Variants in PRKCB observed in about 807,000 individuals in gnomAD.
PRKCB encodes the protein protein kinase C beta, also known as protein kinase C beta type.
In PRKCB, 13 loss-of-function variants were observed where a neutral mutation model predicts 81.5. The observed-to-expected ratio is 0.16, with a 90% CI of 0.10 to 0.25. The LOEUF (loss-of-function observed/expected upper bound fraction) is 0.25, where lower values mean the gene tolerates loss of function less well. Ranked by LOEUF, PRKCB falls within the 10% of genes least tolerant of loss-of-function variation. The probability of loss-of-function intolerance (pLI) is 1.00; values close to 1 mark genes in which losing one functional copy is unlikely to be tolerated. For missense variants in PRKCB, 509 were observed against 875.7 expected, an observed-to-expected ratio of 0.58 and a Z score of 5.29; for synonymous variants, 335 against 321.4, an observed-to-expected ratio of 1.04 and a Z score of -0.45.
chr16:23,975,424 T>C (rs1337477268), intron 2 of PRKCB, among the ~76,000 whole-genome samples: 3 of 152,056 alleles, frequency 2.0e-5, no homozygotes, highest in Non-Finnish European at 4.4e-5. Flanking sequence ...ATGCTGGTAG[T>C]AGCAAAGGGT....
chr16:24,219,908 T>A lies in PRKCB; in HGVS notation c.*5092T>A. On this transcript the variant is annotated 3_prime_UTR_variant, in exon 17 of 17. Transcript: ENST00000643927. ...CCACCCAATGACTGGCGTATCTTGG[T>A]CCTGTGTCTTTCTTCTTACGCTGTG... The A allele has an allele frequency of 6.3e-7, 1 of 1,594,820 alleles. No individual in the cohort carries two copies. Among genetic ancestry groups the A allele is most frequent in the Non-Finnish European group, 8.6e-7 (1 of 1,168,968 alleles).
At chr16:23,979,229 A>G (rs888616224) in intron 2 of PRKCB, among the ~76,000 whole-genome samples, 1 of 152,244 alleles carries the variant, frequency 6.6e-6, no homozygotes, top group Non-Finnish European at 1.5e-5. Context: ...TCAAGGTCAC[A>G]CAGCTAATCA....
intron 2 of PRKCB, among the ~76,000 whole-genome samples, chr16:23,957,062 C>A (rs901869027): frequency 6.8e-6 from 1 of 147,596 alleles, no homozygotes; most frequent in Non-Finnish European, 1.5e-5. Flanking sequence ...GAGGGAAATC[C>A]AGAAGCCATA....
rs539294199 is a variant in PRKCB at position 23,990,248 on chromosome 16, G to A, written c.288+1658G>A. On this transcript the variant is annotated intron_variant, in intron 3 of 16. Transcript: ENST00000643927. ...CTGAGGCGGGCAGATCACAAGGTCAGGAGATCGAAACCATCCTGGCTAACA... is the reference window on the plus strand; with the variant it reads ...CTGAGGCGGGCAGATCACAAGGTCAAGAGATCGAAACCATCCTGGCTAACA... Among the ~76,000 whole-genome samples, 516 of 152,042 alleles carry A rather than the reference G, an allele frequency of 3.4e-3. 1 individual carries two copies. Among genetic ancestry groups the A allele is most frequent in the Non-Finnish European group, 5.5e-3 (375 of 67,974 alleles).
intron 2 of PRKCB, among the ~76,000 whole-genome samples, chr16:23,915,702 A>G: frequency 6.6e-6 from 1 of 150,730 alleles, no homozygotes; most frequent in Admixed American, 6.6e-5. Context: ...AAAAAAAAAA[A>G]AAAAAAAAAA....
chr16:24,153,941 C>T (rs1967114835), intron 9 of PRKCB, among the ~76,000 whole-genome samples: 1 of 152,168 alleles, frequency 6.6e-6, no homozygotes, highest in Admixed American at 6.5e-5. Flanking sequence ...GGAACAAGTG[C>T]CCTAATTTTA....
chr16:23,967,790 C>G (rs1004035731), intron 2 of PRKCB, among the ~76,000 whole-genome samples: 2 of 152,120 alleles, frequency 1.3e-5, no homozygotes, highest in Non-Finnish European at 2.9e-5. Context: ...GTAGCTGGGA[C>G]TACAGGCACC....
Position 24,218,837 on chromosome 16 carries a change from T to C in PRKCB, c.*4021T>C. 1 of 985,426 alleles carries C rather than the reference T, an allele frequency of 1.0e-6. No individual in the cohort carries two copies. The highest frequency in any genetic ancestry group is 1.2e-6 in the Non-Finnish European group (1 of 829,938). 61.0% of individuals were successfully genotyped at this position (985,426 alleles called of 1,614,324 possible). ...ACAAGGCCTTCTTCCCTGGTTGTCT[T>C]GTAATAAAACAGCCATGGGGTTGTC... On this transcript the variant is annotated 3_prime_UTR_variant, in exon 17 of 17. Transcript: ENST00000643927.
Position 24,216,293 on chromosome 16 carries a change from A to G in PRKCB, c.*1477A>G. On this transcript the variant is annotated 3_prime_UTR_variant, in exon 17 of 17. Transcript: ENST00000643927. ...CGTGAATGGGGCTCTTGATTTTCTT[A>G]TCAAAATCACCACTCCTCCCAGCTT... is the stretch of plus-strand genomic sequence containing the variant. The G allele has an allele frequency of 2.0e-6, 2 of 985,414 alleles. No individual in the cohort carries two copies. Among genetic ancestry groups the G allele is most frequent in the Non-Finnish European group, 2.4e-6 (2 of 829,936 alleles). The allele number at this position is 985,414 out of a possible 1,614,324, so 61.0% of individuals were successfully genotyped here.
intron 3 of PRKCB, among the ~76,000 whole-genome samples, chr16:23,998,510 C>T (rs868298609): frequency 2.0e-5 from 3 of 152,282 alleles, no homozygotes; most frequent in African/African-American, 4.8e-5. Flanking sequence ...GTTAAAATCA[C>T]GGATTATGGA....
chr16:24,026,973 G>A (rs552045885), intron 3 of PRKCB, among the ~76,000 whole-genome samples: 3 of 152,124 alleles, frequency 2.0e-5, no homozygotes, highest in Non-Finnish European at 4.4e-5. Flanking sequence ...TCTCCTACAG[G>A]CCAATACCAG....
chr16:24,092,735 T>G, intron 5 of PRKCB, 56 bp from the exon 6 acceptor site: 3 of 1,526,222 alleles, frequency 2.0e-6, no homozygotes, highest in Non-Finnish European at 2.7e-6. Flanking sequence ...CTGTCACTGC[T>G]TGGTGCTTAA....
At chr16:24,004,009 C>T (rs545122608) in intron 3 of PRKCB, among the ~76,000 whole-genome samples, 1 of 152,112 alleles carries the variant, frequency 6.6e-6, no homozygotes, top group African/African-American at 2.4e-5. Context: ...ATTGTTGTCA[C>T]GGACATTATG....
At chr16:23,963,599 G>C (rs969138806) in intron 2 of PRKCB, 1 of 152,164 alleles carries the variant, frequency 6.6e-6, no homozygotes, top group Non-Finnish European at 1.5e-5. Context: ...CTGGGTGCTG[G>C]AACCAACCCT....
rs183998891 is a variant in PRKCB, at chr16:23,958,148, C to T, written c.206-30360C>T. On this transcript the variant is annotated intron_variant, in intron 2 of 16. Coordinates refer to ENST00000643927, the MANE Select transcript of PRKCB (RefSeq NM_002738.7). ...CTGGGATTACAGGTGTGTGCCACCA[C>T]GCCTGGCTAATTTTTGTATTTTTAG... Among the ~76,000 whole-genome samples the T allele has an allele frequency of 2.1e-3, 314 of 151,716 alleles. 7 individuals are homozygous for T. Among genetic ancestry groups the T allele is most frequent in the Admixed American group, 0.018 (275 of 15,212 alleles).
chr16:24,052,859 A>G (rs1453298923), intron 5 of PRKCB, among the ~76,000 whole-genome samples: 1 of 152,180 alleles, frequency 6.6e-6, no homozygotes, highest in Non-Finnish European at 1.5e-5. Context: ...TCAGTGACTT[A>G]GAATCCCTTA....
At chr16:23,981,348 C>T (rs1369871785) in intron 2 of PRKCB, among the ~76,000 whole-genome samples, 1 of 152,050 alleles carries the variant, frequency 6.6e-6, no homozygotes, top group African/African-American at 2.4e-5. Context: ...CCTATAAGGA[C>T]CCCTGTGATC....
Position 23,857,004 on chromosome 16 carries a change from A to T in PRKCB, c.205+19598A>T, listed in dbSNP as rs553242854. ...CATGGACTGTTGAGGCTTTTTTTTT[A>T]ATCTTTAGAGATGATATAAATGTAG... On this transcript the variant is annotated intron_variant, in intron 2 of 16. Transcript: ENST00000643927. Among the ~76,000 whole-genome samples the T allele has an allele frequency of 7.2e-5, 11 of 152,000 alleles. No individual in the cohort carries two copies. In the South Asian group the frequency reaches 2.1e-3, roughly 29 times the overall value.
chr16:24,042,925 T>C (rs988487717), intron 5 of PRKCB, among the ~76,000 whole-genome samples: 4 of 152,058 alleles, frequency 2.6e-5, no homozygotes, highest in Admixed American at 6.6e-5. Context: ...TTTGTAGAGA[T>C]GGGGTTTTGC....
Sources: gnomAD v4.1 joint callset for allele counts (sites outside exome capture counted in the v4.1 genomes callset) on GRCh38, gnomAD v4.1.1 for gene constraint, MANE v1.5 for transcripts, NCBI Gene and HGNC (gene_info 2026-07-23, HGNC 2026-07-21) for gene names.